Variants in SPAG17 observed in about 807,000 individuals in gnomAD.
SPAG17 encodes sperm associated antigen 17, also known as sperm-associated antigen 17.
SPAG17 carries 169 observed loss-of-function variants against 273.6 expected under a neutral mutation model. The ratio of observed to expected loss-of-function variants is 0.62; its 90% CI spans 0.55 to 0.70. SPAG17 has a LOEUF of 0.70. SPAG17 is among the 30% of genes least tolerant of loss of function. SPAG17 has a pLI of 0.00. For synonymous variants in SPAG17, 825 were observed against 873.2 expected, an observed-to-expected ratio of 0.94 and a Z score of 0.97; for missense variants, 2,557 against 2,627.8, an observed-to-expected ratio of 0.97 and a Z score of 0.59.
At chr1:118,086,094 AC>A in intron 12 of SPAG17, 22 bp from the exon 13 acceptor site, 1 of 1,612,380 alleles carries the variant, frequency 6.2e-7, no homozygotes, top group Non-Finnish European at 8.5e-7. Flanking sequence ...GAGCAACATG[AC>A]AGAAGACATT....
chr1:117,980,146 C>G (rs1172020873), intron 43 of SPAG17, among the ~76,000 whole-genome samples: 1 of 152,134 alleles, frequency 6.6e-6, no homozygotes, highest in Non-Finnish European at 1.5e-5. Context: ...GAGTAATTAT[C>G]CACTGAATGA....
rs1243862715 is a variant in SPAG17, at chr1:118,012,312, C to G, written c.4348G>C (p.Val1450Leu). 5 of 1,613,824 alleles carry G rather than the reference C, an allele frequency of 3.1e-6. No individual in the cohort carries two copies. The highest frequency in any genetic ancestry group is 4.2e-6 in the Non-Finnish European group (5 of 1,179,804). Residue 1450 changes from valine (V) to leucine (L), a missense_variant, in exon 30 of 49, where the codon GTG becomes CTG. Val to Leu is a conservative substitution (Grantham distance 32, BLOSUM62 1). Coordinates refer to ENST00000336338, the MANE Select transcript of SPAG17 (RefSeq NM_206996.4). ...ATTCTGGTACCATCAGCATGATCCA[C>G]TATCCGAGTACCATCTTTCCTTTCA... ...IVERKDGTRI[V>L]DHADGTRITT...
At chr1:117,979,722 C>G (rs1201568090) in intron 43 of SPAG17, among the ~76,000 whole-genome samples, 2 of 152,184 alleles carry the variant, frequency 1.3e-5, no homozygotes, top group Non-Finnish European at 2.9e-5. Flanking sequence ...TTTTCCTTTG[C>G]TCAATTTGTT....
intron 20 of SPAG17, among the ~76,000 whole-genome samples, chr1:118,044,693 G>C (rs1234680135): frequency 6.6e-6 from 1 of 152,078 alleles, no homozygotes; most frequent in African/African-American, 2.4e-5. Context: ...TTGGATCATG[G>C]GGGCAGATTT....
At chr1:118,154,633 A>G (rs1659559053) in intron 1 of SPAG17, among the ~76,000 whole-genome samples, 1 of 152,170 alleles carries the variant, frequency 6.6e-6, no homozygotes, top group Non-Finnish European at 1.5e-5. Context: ...AATCAGACAC[A>G]GATTAGATTT....
chr1:118,069,150 C>T (rs1653298012), intron 17 of SPAG17, among the ~76,000 whole-genome samples: 1 of 151,908 alleles, frequency 6.6e-6, no homozygotes, highest in Non-Finnish European at 1.5e-5. Flanking sequence ...TTGAGACCAT[C>T]CTCACCAACA....
chr1:118,018,031 A>G (rs1184779821), intron 28 of SPAG17, among the ~76,000 whole-genome samples: 1 of 152,222 alleles, frequency 6.6e-6, no homozygotes, highest in East Asian at 1.9e-4. Context: ...TGGCAACTAT[A>G]AGTAAGATCA....
At position 118,039,964 on chromosome 1, in the gene SPAG17, A is replaced by T. The variant is rs374503747; in HGVS notation, c.3167-520T>A. On this transcript the variant is annotated intron_variant, in intron 22 of 48. Coordinates refer to ENST00000336338, the MANE Select transcript of SPAG17 (RefSeq NM_206996.4). The stretch of plus-strand genomic sequence containing the variant: ...CATTTCAAACTCAATTTCAGAAGAG[A>T]AAATGAACTGGCTGAGGCAATGTAT... Among the ~76,000 whole-genome samples, 8 of 152,184 alleles carry T rather than the reference A, an allele frequency of 5.3e-5. No homozygotes were observed. In the East Asian group the frequency reaches 7.7e-4, roughly 15 times the overall value.
rs538150353 is a variant in SPAG17 at position 118,062,818 on chromosome 1, G to A, written c.2540+3927C>T. The stretch of plus-strand genomic sequence containing the variant: ...CATTCCTTCCTGTCATACAAACCTT[G>A]AGCATTTAAAAAACTGACTACATAT... On this transcript the variant is annotated intron_variant, in intron 18 of 48. Coordinates refer to ENST00000336338, the MANE Select transcript of SPAG17 (RefSeq NM_206996.4). 2.6e-5 allele frequency among the ~76,000 whole-genome samples: 4 copies of A among 152,210 alleles called. 1 individual carries two copies. In the South Asian group the frequency reaches 8.3e-4, roughly 32 times the overall value.
At position 117,991,456 on chromosome 1, in the gene SPAG17, C is replaced by T. The variant is rs768646494; in HGVS notation, c.5434G>A (p.Glu1812Lys). The T allele has an allele frequency of 2.2e-5, 35 of 1,612,134 alleles. No individual in the cohort carries two copies. The East Asian group carries it at 7.8e-4, about 36-fold the overall frequency. Residue 1812 changes from glutamate to lysine, a missense_variant, in exon 37 of 49, where the codon GAG becomes AAG. Physicochemically the swap from Glu to Lys is moderately conservative, Grantham distance 56. Transcript: ENST00000336338. The stretch of plus-strand genomic sequence containing the variant: ...AGATCAGCAGCATTGCCTCTCTCCT[C>T]CTCAGTTCTGGAATCTTTAACCATC... Reference protein sequence around the residue: ...EMMVKDSRTEEERGNAADLLK... With the variant: ...EMMVKDSRTEKERGNAADLLK...
chr1:118,147,012 T>C (rs1011794177), intron 3 of SPAG17, among the ~76,000 whole-genome samples: 5 of 152,234 alleles, frequency 3.3e-5, no homozygotes, highest in Non-Finnish European at 7.3e-5. Context: ...TTTGAATTCT[T>C]ATACACTTTA....
intron 48 of SPAG17, chr1:117,963,559 T>C (rs1571069769): frequency 3.9e-6 from 1 of 258,146 alleles, no homozygotes; most frequent in Admixed American, 4.5e-5. Context: ...AGAGACGGGG[T>C]TTCACCAAGT....
intron 3 of SPAG17, among the ~76,000 whole-genome samples, chr1:118,138,418 TGAGAGAGG>T (rs1435215879): frequency 6.6e-6 from 1 of 152,156 alleles, no homozygotes; most frequent in East Asian, 1.9e-4. Context: ...AGTGAGAGGC[TGAGAGAGG>T]AAATGTAATA....
At chr1:118,165,716 G>GCTCA (rs1660141930) in intron 1 of SPAG17, among the ~76,000 whole-genome samples, 1 of 148,838 alleles carries the variant, frequency 6.7e-6, no homozygotes, top group African/African-American at 2.5e-5. Context: ...CGCGATCTCG[G>GCTCA]CTCACTGCAA....
chr1:118,109,948 A>G (rs780093552), intron 4 of SPAG17, among the ~76,000 whole-genome samples: 20 of 152,310 alleles, frequency 1.3e-4, no homozygotes, highest in Admixed American at 3.3e-4. Flanking sequence ...AGTTGTATCT[A>G]ATACACAGTG....
intron 3 of SPAG17, among the ~76,000 whole-genome samples, chr1:118,137,047 C>T (rs903866127): frequency 1.3e-5 from 2 of 152,066 alleles, no homozygotes; most frequent in African/African-American, 2.4e-5. Flanking sequence ...TATATTAGGC[C>T]TTTGCATTAA....
At chr1:117,956,174 T>G (rs1410144150) in intron 48 of SPAG17, among the ~76,000 whole-genome samples, 2 of 152,208 alleles carry the variant, frequency 1.3e-5, no homozygotes, top group Non-Finnish European at 2.9e-5. Context: ...AGTATTATTT[T>G]ACTGGTTTTT....
intron 1 of SPAG17, among the ~76,000 whole-genome samples, chr1:118,179,738 A>G (rs539112412): frequency 7.9e-4 from 120 of 151,904 alleles, no homozygotes; most frequent in Non-Finnish European, 6.2e-4. Flanking sequence ...TCAAACAACT[A>G]AATAGGAAAA....
chr1:118,020,523 G>T (rs1660400868), intron 28 of SPAG17, among the ~76,000 whole-genome samples: 1 of 151,470 alleles, frequency 6.6e-6, no homozygotes, highest in South Asian at 2.1e-4. Context: ...AATTCTAAAT[G>T]TATGAATATC....
Sources: allele counts gnomAD v4.1 joint callset (sites outside exome capture counted in the v4.1 genomes callset), GRCh38; gene constraint gnomAD v4.1.1; transcripts MANE v1.5; gene names NCBI Gene and HGNC (gene_info 2026-07-23, HGNC 2026-07-21).